FHIT: variants seen among roughly 807,000 people sequenced by gnomAD.
The protein encoded by FHIT is bis(5'-adenosyl)-triphosphatase.
In FHIT, 19 loss-of-function variants were observed where a neutral mutation model predicts 17.9. That is an observed-to-expected ratio of 1.06 (90% confidence interval 0.74 to 1.56). The LOEUF (loss-of-function observed/expected upper bound fraction) is 1.56. Among genes scored for constraint, FHIT ranks in the 40% most tolerant of loss-of-function variants. The probability of loss-of-function intolerance (pLI) is 0.00; values close to 1 mark genes in which losing one functional copy is unlikely to be tolerated. For synonymous variants in FHIT, 81 were observed against 69.7 expected (o/e 1.16, Z -0.81); for missense variants, 248 against 189.2 (o/e 1.31, Z -1.82).
rs536741475 is a variant in FHIT at position 60,303,605 on chromosome 3, C to T, written c.103+233255G>A. ...GGCTGTGATCAGTGTTGATGTGTGC[C>T]GCTTCACAGCCCATATGTGATTTTC... On this transcript the variant is annotated intron_variant, in intron 5 of 9. Coordinates refer to ENST00000492590, the MANE Select transcript of FHIT (RefSeq NM_002012.4). 4.6e-5 allele frequency among the ~76,000 whole-genome samples: 7 copies of T among 152,226 alleles called. No individual in the cohort carries two copies. The South Asian group carries it at 1.5e-3, about 32-fold the overall frequency.
At chr3:60,364,417 C>G (rs948581451) in intron 5 of FHIT, among the ~76,000 whole-genome samples, 1 of 152,246 alleles carries the variant, frequency 6.6e-6, no homozygotes, top group East Asian at 1.9e-4. Flanking sequence ...GCACCTACAA[C>G]TTAGACAATA....
intron 1 of FHIT, among the ~76,000 whole-genome samples, chr3:61,229,795 A>C (rs1022713297): frequency 2.6e-5 from 4 of 152,232 alleles, no homozygotes; most frequent in African/African-American, 4.8e-5. Flanking sequence ...AATAACAGCT[A>C]ATTTATGCAG....
intron 5 of FHIT, among the ~76,000 whole-genome samples, chr3:60,332,572 T>C (rs571608490): frequency 6.6e-6 from 1 of 152,320 alleles, no homozygotes; most frequent in African/African-American, 2.4e-5. Context: ...ATCACACTAC[T>C]TCTGAATCTC....
intron 7 of FHIT, among the ~76,000 whole-genome samples, chr3:59,943,238 G>C (rs551206503): frequency 6.6e-6 from 1 of 152,218 alleles, no homozygotes; most frequent in South Asian, 2.1e-4. Context: ...GCTTTGAAAA[G>C]GAGAAGGCCA....
rs377041920 is a variant in FHIT, at chr3:59,889,852, T to A, written c.348+32494A>T. Among the ~76,000 whole-genome samples, 6 of 152,336 alleles carry A rather than the reference T, an allele frequency of 3.9e-5. No individual in the cohort carries two copies. In the South Asian group the frequency reaches 6.2e-4, roughly 16 times the overall value. ...TAAAATCCTAATGAGAGAACATACA[T>A]TGGCTGGAAAAGGGTATTGTTCTTT... On this transcript the variant is annotated intron_variant, in intron 8 of 9. Transcript: ENST00000492590.
At chr3:60,962,057 A>T (rs1160521485) in intron 3 of FHIT, among the ~76,000 whole-genome samples, 1 of 152,204 alleles carries the variant, frequency 6.6e-6, no homozygotes, top group Non-Finnish European at 1.5e-5. Context: ...CTTCCTACCC[A>T]TGAGCGTGGA....
intron 7 of FHIT, among the ~76,000 whole-genome samples, chr3:59,960,455 T>C (rs1442810485): frequency 6.6e-6 from 1 of 152,138 alleles, no homozygotes; most frequent in Non-Finnish European, 1.5e-5. Context: ...CTTCACAAGG[T>C]GGCCTTGTTG....
chr3:59,844,451 T>C (rs779083083), intron 8 of FHIT, among the ~76,000 whole-genome samples: 4 of 152,016 alleles, frequency 2.6e-5, no homozygotes, highest in Non-Finnish European at 5.9e-5. Flanking sequence ...GCTCTTATCA[T>C]GTTGGGGTAG....
chr3:59,777,389 C>T (rs1457043594), intron 8 of FHIT, among the ~76,000 whole-genome samples: 1 of 151,942 alleles, frequency 6.6e-6, no homozygotes, highest in Non-Finnish European at 1.5e-5. Flanking sequence ...AAAAAAAAAC[C>T]CCTGACTTGT....
rs147846306 is a variant in FHIT, at chr3:60,822,170, T to A, written c.-110-159A>T. 4.8e-3 allele frequency among the ~76,000 whole-genome samples: 724 copies of A among 152,318 alleles called. 4 individuals carry two copies. Among genetic ancestry groups the A allele is most frequent in the African/African-American group, 0.013 (539 of 41,578 alleles). On this transcript the variant is annotated intron_variant, in intron 3 of 9. Coordinates refer to ENST00000492590, the MANE Select transcript of FHIT (RefSeq NM_002012.4). The stretch of plus-strand genomic sequence containing the variant: ...GGTACATATGTGATTTTTGCAGGCA[T>A]TGTCATTAATCTGTACATTGGAGAC...
chr3:59,806,005 C>T (rs1700179793), intron 8 of FHIT, among the ~76,000 whole-genome samples: 1 of 151,992 alleles, frequency 6.6e-6, no homozygotes, highest in African/African-American at 2.4e-5. Flanking sequence ...CACGGTGAAA[C>T]CCCGTCTCTG....
At chr3:59,956,338 A>C (rs2107325947) in intron 7 of FHIT, among the ~76,000 whole-genome samples, 1 of 152,168 alleles carries the variant, frequency 6.6e-6, no homozygotes, top group East Asian at 1.9e-4. Context: ...GTTTGAGACC[A>C]GTCTGGGCAA....
chr3:60,457,652 G>A (rs1046201870), intron 5 of FHIT, among the ~76,000 whole-genome samples: 13 of 151,892 alleles, frequency 8.6e-5, no homozygotes, highest in South Asian at 2.1e-4. Flanking sequence ...GCAACCTACA[G>A]AATGGGAGAA....
At chr3:60,664,410 A>G (rs757174774) in intron 4 of FHIT, among the ~76,000 whole-genome samples, 1 of 152,004 alleles carries the variant, frequency 6.6e-6, no homozygotes. Flanking sequence ...TACAAAAGAC[A>G]TTGAACTATA....
intron 5 of FHIT, among the ~76,000 whole-genome samples, chr3:60,364,136 T>G (rs1448209641): frequency 6.6e-6 from 1 of 152,196 alleles, no homozygotes; most frequent in Non-Finnish European, 1.5e-5. Flanking sequence ...TACCATCTGG[T>G]CCCTCTTGGA....
At chr3:60,695,986 A>T (rs1160770809) in intron 4 of FHIT, among the ~76,000 whole-genome samples, 1 of 152,320 alleles carries the variant, frequency 6.6e-6, no homozygotes, top group East Asian at 1.9e-4. Context: ...GTACGGAGGA[A>T]TGGAGATAAG....
At chr3:60,333,521 T>A (rs1049713818) in intron 5 of FHIT, among the ~76,000 whole-genome samples, 1 of 152,118 alleles carries the variant, frequency 6.6e-6, no homozygotes, top group Non-Finnish European at 1.5e-5. Context: ...TAAAAACTTC[T>A]TTATTTGTTG....
intron 4 of FHIT, among the ~76,000 whole-genome samples, chr3:60,666,739 G>T (rs532422570): frequency 2.0e-5 from 3 of 152,270 alleles, no homozygotes; most frequent in African/African-American, 7.2e-5. Context: ...CACAATCACA[G>T]CTCACTGCAT....
At chr3:60,431,500 C>T (rs1301197328) in intron 5 of FHIT, among the ~76,000 whole-genome samples, 1 of 151,994 alleles carries the variant, frequency 6.6e-6, no homozygotes, top group East Asian at 1.9e-4. Context: ...AACTATCTCC[C>T]CACCTCCCAC....
Sources: gnomAD v4.1 joint callset for allele counts (sites outside exome capture counted in the v4.1 genomes callset) on GRCh38, gnomAD v4.1.1 for gene constraint, MANE v1.5 for transcripts, NCBI Gene and HGNC (gene_info 2026-07-23, HGNC 2026-07-21) for gene names.